The following MVB12B variants were observed in gnomAD, a reference collection of about 807,000 sequenced individuals.
MVB12B encodes the protein ESCRT-I complex subunit MVB12B.
MVB12B carries 16 observed loss-of-function variants against 41.6 expected under a neutral mutation model. That is an observed-to-expected ratio of 0.38 (90% CI 0.26 to 0.58). The LOEUF (loss-of-function observed/expected upper bound fraction) is 0.58. MVB12B is among the 20% of genes least tolerant of loss of function. The pLI is 0.62. For synonymous variants in MVB12B, 133 were observed against 139.7 expected, an observed-to-expected ratio of 0.95 and a Z score of 0.34; for missense variants, 274 against 380.2, an observed-to-expected ratio of 0.72 and a Z score of 2.32.
At chr9:126,404,591 G>A (rs981463431) in intron 6 of MVB12B, among the ~76,000 whole-genome samples, 7 of 152,350 alleles carry the variant, frequency 4.6e-5, no homozygotes, top group Middle Eastern at 3.4e-3. Context: ...TTCCCAGGGC[G>A]TGTGGGTGGG....
At chr9:126,396,582 G>A (rs541916918) in intron 6 of MVB12B, 17 of 985,458 alleles carry the variant, frequency 1.7e-5, no homozygotes, top group South Asian at 1.4e-4. Context: ...CCTGCCCTCC[G>A]GGACATACCA....
At chr9:126,425,888 G>T (rs533744001) in intron 7 of MVB12B, among the ~76,000 whole-genome samples, 17 of 152,336 alleles carry the variant, frequency 1.1e-4, no homozygotes, top group African/African-American at 4.1e-4. Context: ...ACCCATCTGG[G>T]TTAGGGTCAG....
At chr9:126,440,422 G>A (rs1832602631) in intron 7 of MVB12B, among the ~76,000 whole-genome samples, 1 of 152,174 alleles carries the variant, frequency 6.6e-6, no homozygotes, top group African/African-American at 2.4e-5. Context: ...GTCTGGCATC[G>A]TTACGTGAAA....
At chr9:126,475,375 T>A (rs1833400935) in intron 7 of MVB12B, among the ~76,000 whole-genome samples, 1 of 152,202 alleles carries the variant, frequency 6.6e-6, no homozygotes, top group Admixed American at 6.5e-5. Flanking sequence ...GAATGTGTGG[T>A]TCAACCAGTT....
At chr9:126,432,473 C>A (rs1588168154) in intron 7 of MVB12B, among the ~76,000 whole-genome samples, 1 of 152,220 alleles carries the variant, frequency 6.6e-6, no homozygotes, top group East Asian at 1.9e-4. Flanking sequence ...ATGATGAAGG[C>A]AACTTCTTTC....
chr9:126,494,559 A>G (rs1055183849), intron 9 of MVB12B, among the ~76,000 whole-genome samples: 5 of 152,146 alleles, frequency 3.3e-5, no homozygotes, highest in African/African-American at 1.2e-4. Context: ...GGATTTTCCT[A>G]CCCTTTTCTT....
At chr9:126,334,312 C>G (rs1460372455) in intron 1 of MVB12B, among the ~76,000 whole-genome samples, 3 of 152,166 alleles carry the variant, frequency 2.0e-5, no homozygotes, top group African/African-American at 7.2e-5. Context: ...ACAGATACCT[C>G]TGAGTCTCAG....
intron 1 of MVB12B, among the ~76,000 whole-genome samples, chr9:126,328,176 A>G (rs898780398): frequency 8.5e-5 from 13 of 152,160 alleles, no homozygotes; most frequent in East Asian, 1.9e-4. Context: ...CTTGCTTGTT[A>G]GAAATCATGT....
intron 6 of MVB12B, among the ~76,000 whole-genome samples, chr9:126,419,027 G>T (rs1166539356): frequency 6.6e-6 from 1 of 152,100 alleles, no homozygotes; most frequent in East Asian, 1.9e-4. Context: ...AGCTCGGCTG[G>T]CCCCATTTTC....
intron 2 of MVB12B, among the ~76,000 whole-genome samples, chr9:126,374,004 CA>C (rs939527596): frequency 6.6e-6 from 1 of 152,136 alleles, no homozygotes; most frequent in Non-Finnish European, 1.5e-5. Flanking sequence ...CTTTATAAAC[CA>C]TGTTGTAACT....
intron 2 of MVB12B, among the ~76,000 whole-genome samples, chr9:126,355,892 ATTT>A (rs1177044405): frequency 1.3e-5 from 2 of 152,172 alleles, no homozygotes; most frequent in Non-Finnish European, 2.9e-5. Flanking sequence ...GTTCCAAAAC[ATTT>A]TTATCACCCC....
At chr9:126,483,024 C>A (rs1283959885) in intron 8 of MVB12B, among the ~76,000 whole-genome samples, 1 of 152,256 alleles carries the variant, frequency 6.6e-6, no homozygotes, top group Non-Finnish European at 1.5e-5. Flanking sequence ...TCACAGGAAA[C>A]CCCTGCTGGC....
intron 3 of MVB12B, among the ~76,000 whole-genome samples, chr9:126,383,744 G>A (rs1218788995): frequency 6.6e-6 from 1 of 151,932 alleles, no homozygotes. Context: ...CAGACCCACT[G>A]TATTAAACCC....
chr9:126,428,474 T>A (rs1426950810), intron 7 of MVB12B, among the ~76,000 whole-genome samples: 1 of 152,022 alleles, frequency 6.6e-6, no homozygotes, highest in Non-Finnish European at 1.5e-5. Flanking sequence ...TCATTTGCAG[T>A]GATTACATGA....
intron 7 of MVB12B, among the ~76,000 whole-genome samples, chr9:126,449,420 C>G (rs1275175977): frequency 6.6e-6 from 1 of 151,952 alleles, no homozygotes; most frequent in East Asian, 1.9e-4. Context: ...GTCTGACAGA[C>G]AGGTCTGGCC....
At chr9:126,411,563 TG>T (rs1357613871) in intron 6 of MVB12B, among the ~76,000 whole-genome samples, 1 of 152,214 alleles carries the variant, frequency 6.6e-6, no homozygotes, top group African/African-American at 2.4e-5. Flanking sequence ...TATAAGATAG[TG>T]AATATAACTG....
At chr9:126,479,796 CAAG>C (rs1833488959) in intron 7 of MVB12B, among the ~76,000 whole-genome samples, 1 of 152,224 alleles carries the variant, frequency 6.6e-6, no homozygotes, top group Non-Finnish European at 1.5e-5. Flanking sequence ...CATGCTGATC[CAAG>C]AAGGTTTCGT....
chr9:126,400,473 G>C (rs993115809), intron 6 of MVB12B, among the ~76,000 whole-genome samples: 3 of 152,168 alleles, frequency 2.0e-5, no homozygotes, highest in African/African-American at 7.2e-5. Context: ...AGGAGAACTA[G>C]AGCAATCAGT....
At chr9:126,495,959 C>T (rs1435568945) in intron 9 of MVB12B, among the ~76,000 whole-genome samples, 1 of 152,074 alleles carries the variant, frequency 6.6e-6, no homozygotes, top group Non-Finnish European at 1.5e-5. Context: ...GGGCCCTGGG[C>T]TTGGTACTTG....
Sources: gnomAD v4.1 joint callset for allele counts (sites outside exome capture counted in the v4.1 genomes callset) on GRCh38, gnomAD v4.1.1 for gene constraint, MANE v1.5 for transcripts, NCBI Gene and HGNC (gene_info 2026-07-23, HGNC 2026-07-21) for gene names.